Variants in SUB1 observed in about 807,000 individuals in gnomAD.
The protein encoded by SUB1 is SUB1 regulator of transcription.
SUB1 carries 1 observed loss-of-function variant against 16.9 expected under a neutral mutation model. The observed-to-expected ratio is 0.06, with a 90% CI of 0.02 to 0.28. The LOEUF (loss-of-function observed/expected upper bound fraction) is 0.28. Among genes scored for constraint, SUB1 ranks in the 10% least tolerant of loss-of-function variants. The probability of loss-of-function intolerance (pLI) is 1.00; values close to 1 mark genes in which losing one functional copy is unlikely to be tolerated. For synonymous variants in SUB1, 51 were observed against 46.9 expected (o/e 1.09, Z -0.36); for missense variants, 84 against 145.2 (o/e 0.58, Z 2.16).
rs1346972507 is a variant in SUB1 at position 32,601,500 on chromosome 5, CCAAT to C, written c.*420_*423del. ...AACTTCATATTTGATCTTTTCTCTT[CCAAT>C]CAAATGTCTAGGCTTGTTTGACTTC... On this transcript the variant is annotated 3_prime_UTR_variant, in exon 5 of 5. Transcript: ENST00000265073. 6.4e-6 allele frequency: 1 copy of C among 156,896 alleles called. No individual in the cohort carries two copies. Among genetic ancestry groups the C allele is most frequent in the African/African-American group, 2.4e-5 (1 of 41,488 alleles). 9.7% of individuals were successfully genotyped at this position (156,896 alleles called of 1,614,324 possible). A position where few individuals can be genotyped will look rare whatever the true frequency, so the allele number is the denominator to read the frequency against.
rs1365780107 is a variant in SUB1, at chr5:32,603,874, C to CA, written c.*2790_*2791insA. ...CAGTTCATTTTTTATGGCAGTTAAT[C>CA]CAGTGAAACACTCAAAAGTTTTTTT... On this transcript the variant is annotated 3_prime_UTR_variant, in exon 5 of 5. Transcript: ENST00000265073. 4.0e-5 allele frequency: 6 copies of CA among 150,966 alleles called. No homozygotes were observed. Among genetic ancestry groups the CA allele is most frequent in the African/African-American group, 1.5e-4 (6 of 41,284 alleles). The allele number at this position is 150,966 out of a possible 1,614,324, so 9.4% of individuals were successfully genotyped here.
In SUB1 at chr5:32,602,185, T is replaced by C; in HGVS notation, c.*1101T>C. On this transcript the variant is annotated 3_prime_UTR_variant, in exon 5 of 5. Coordinates refer to ENST00000265073, the MANE Select transcript of SUB1 (RefSeq NM_006713.4). Reference sequence around the variant, plus strand: ...CTAGTAAGTGGTTTGTATTTAACCATACTGATGAAGCAGACAGATTGAGGC... The same window carrying C: ...CTAGTAAGTGGTTTGTATTTAACCACACTGATGAAGCAGACAGATTGAGGC... 2.2e-6 allele frequency: 1 copy of C among 455,100 alleles called. No individual in the cohort carries two copies. Among genetic ancestry groups the C allele is most frequent in the South Asian group, 1.6e-5 (1 of 64,392 alleles). The allele number at this position is 455,100 out of a possible 1,614,324, so 28.2% of individuals were successfully genotyped here. A position where few individuals can be genotyped will look rare whatever the true frequency, so the allele number is the denominator to read the frequency against.
intron 3 of SUB1, chr5:32,598,444 T>C (rs532400906): frequency 6.6e-6 from 1 of 152,620 alleles, no homozygotes; most frequent in East Asian, 1.9e-4. Context: ...CATGGTGTTT[T>C]ACACAAGGTG....
At chr5:32,598,869 G>GT (rs1396173778) in intron 3 of SUB1, 92 bp from the exon 4 acceptor site, 1 of 947,666 alleles carries the variant, frequency 1.1e-6, no homozygotes, top group East Asian at 2.4e-5. Context: ...TAGATGTAGA[G>GT]TGAGCATGCA....
At chr5:32,592,896 A>G (rs1277744856) in intron 3 of SUB1, among the ~76,000 whole-genome samples, 1 of 152,178 alleles carries the variant, frequency 6.6e-6, no homozygotes, top group Non-Finnish European at 1.5e-5. Context: ...AAGAGGATGT[A>G]GGTTAAGAGA....
intron 2 of SUB1, among the ~76,000 whole-genome samples, chr5:32,590,156 GCTAA>G (rs1046082828): frequency 3.0e-4 from 46 of 152,104 alleles, no homozygotes; most frequent in African/African-American, 1.0e-3. Flanking sequence ...TGCATATTGA[GCTAA>G]CTTTTTGTTT....
At chr5:32,591,816 C>T (rs1475268367) in intron 3 of SUB1, 131 bp downstream of exon 3, 1 of 1,102,076 alleles carries the variant, frequency 9.1e-7, no homozygotes. Flanking sequence ...TTCTCTGCCT[C>T]AGCCTCCCGA....
At chr5:32,600,936 A>G in intron 4 of SUB1, 69 bp from the exon 5 acceptor site, 2 of 1,400,378 alleles carry the variant, frequency 1.4e-6, no homozygotes, top group Non-Finnish European at 2.0e-6. Context: ...ACAGTATTCT[A>G]GTTGGAAGTA....
intron 2 of SUB1, among the ~76,000 whole-genome samples, chr5:32,590,247 A>G (rs1435052708): frequency 2.6e-5 from 4 of 152,154 alleles, no homozygotes; most frequent in East Asian, 1.9e-4. Context: ...TTACATGTAT[A>G]TAATATTTTT....
Position 32,601,133 on chromosome 5 carries a change from T to C in SUB1, c.*49T>C, listed in dbSNP as rs546898304. The C allele has an allele frequency of 2.1e-5, 31 of 1,461,498 alleles. No individual in the cohort carries two copies. In the African/African-American group the frequency reaches 2.7e-4, roughly 13 times the overall value. The allele number at this position is 1,461,498 out of a possible 1,614,324, so 90.5% of individuals were successfully genotyped here. A position where few individuals can be genotyped will look rare whatever the true frequency, so the allele number is the denominator to read the frequency against. On this transcript the variant is annotated 3_prime_UTR_variant, in exon 5 of 5. Transcript: ENST00000265073. The stretch of plus-strand genomic sequence containing the variant: ...CTGTACTGTTCTAGTTGTTTTAATC[T>C]GTCTTTTTACATTGGCTTTTGTTTT...
In SUB1 at chr5:32,603,986, T is replaced by C. The variant is rs1042628165; in HGVS notation, c.*2902T>C. On this transcript the variant is annotated 3_prime_UTR_variant, in exon 5 of 5. Coordinates refer to ENST00000265073, the MANE Select transcript of SUB1 (RefSeq NM_006713.4). The stretch of plus-strand genomic sequence containing the variant: ...TAATTCTGTAATTGTGGAATGCTTG[T>C]ATGCTTTGTTTTCGTACATCTTCCA... The C allele has an allele frequency of 6.6e-6, 1 of 152,190 alleles. No homozygotes were observed. The highest frequency in any genetic ancestry group is 2.4e-5 in the African/African-American group (1 of 41,454). The allele number at this position is 152,190 out of a possible 1,614,324, so 9.4% of individuals were successfully genotyped here.
At chr5:32,593,697 CTT>C (rs888452800) in intron 3 of SUB1, among the ~76,000 whole-genome samples, 10 of 143,354 alleles carry the variant, frequency 7.0e-5, no homozygotes, top group Admixed American at 6.9e-5. Flanking sequence ...GTCATCTTTT[CTT>C]TTTTTTTTTT....
Position 32,601,066 on chromosome 5 carries a change from T to C in SUB1, c.366T>C (p.Asp122=), listed in dbSNP as rs1049398. ...QLKEQISDID[D]AVRKL The stretch of plus-strand genomic sequence containing the variant: ...AGGAACAGATTTCTGACATTGATGA[T>C]GCAGTAAGAAAACTGTAAAATTCGA... Residue 122 remains aspartate (D), a synonymous_variant, in exon 5 of 5, where the codon GAT becomes GAC. Coordinates refer to ENST00000265073, the MANE Select transcript of SUB1 (RefSeq NM_006713.4). 2 of 1,611,904 alleles carry C rather than the reference T, an allele frequency of 1.2e-6. No homozygotes were observed. Among genetic ancestry groups the C allele is most frequent in the Middle Eastern group, 2.2e-4 (1 of 4,544 alleles).
rs1035387960 is a variant in SUB1 at position 32,601,831 on chromosome 5, A to G, written c.*747A>G. 1 of 160,706 alleles carries G rather than the reference A, an allele frequency of 6.2e-6. No homozygotes were observed. Among genetic ancestry groups the G allele is most frequent in the Admixed American group, 6.0e-5 (1 of 16,748 alleles). The allele number at this position is 160,706 out of a possible 1,614,324, so 10.0% of individuals were successfully genotyped here. A position where few individuals can be genotyped will look rare whatever the true frequency, so the allele number is the denominator to read the frequency against. On this transcript the variant is annotated 3_prime_UTR_variant, in exon 5 of 5. Coordinates refer to ENST00000265073, the MANE Select transcript of SUB1 (RefSeq NM_006713.4). ...TGTGTAGTTATTGCTTAGTCTGCAG[A>G]AAATAATGACTTAGATGAGATGTCT...
rs185977486 is a variant in SUB1, at chr5:32,590,721, G to T, written c.73-842G>T. Among the ~76,000 whole-genome samples, 30 of 139,932 alleles carry T rather than the reference G, an allele frequency of 2.1e-4. No homozygotes were observed. The East Asian group carries it at 6.0e-3, about 28-fold the overall frequency. 91.8% of individuals were successfully genotyped at this position (139,932 alleles called of 152,430 possible). A position where few individuals can be genotyped will look rare whatever the true frequency, so the allele number is the denominator to read the frequency against. On this transcript the variant is annotated intron_variant, in intron 2 of 4. Coordinates refer to ENST00000265073, the MANE Select transcript of SUB1 (RefSeq NM_006713.4). ...AGCGATTCTCCTGCCTCAGCCTTCC[G>T]AGTAGCTGGGATTACAGGCGTGTGC...
chr5:32,598,061 T>TAAAA (rs1739022441), intron 3 of SUB1: 2 of 146,442 alleles, frequency 1.4e-5, no homozygotes, highest in African/African-American at 5.4e-5. Flanking sequence ...TCAACTTTTT[T>TAAAA]ATTTTTATTT....
chr5:32,598,984 T>C lies in SUB1; in HGVS notation c.219T>C (p.Ser73=). Residue 73 remains serine (S), a synonymous_variant, in exon 4 of 5, where the codon AGT becomes AGC. Transcript: ENST00000265073. The part of the protein sequence containing the change: ...MFQIGKMRYV[S]VRDFKGKVLI... Reference sequence around the variant, plus strand: ...AGATTGGGAAAATGAGGTACGTTAGTGTTCGCGATTTTAAAGGCAAAGTGC... The same window carrying C: ...AGATTGGGAAAATGAGGTACGTTAGCGTTCGCGATTTTAAAGGCAAAGTGC... The C allele has an allele frequency of 6.2e-7, 1 of 1,613,594 alleles. No individual in the cohort carries two copies. The highest frequency in any genetic ancestry group is 8.5e-7 in the Non-Finnish European group (1 of 1,179,778).
At position 32,603,875 on chromosome 5, in the gene SUB1, C is replaced by CATTTTTTTG. The variant is rs1420493004; in HGVS notation, c.*2792_*2793insTTTTTTTGA. The stretch of plus-strand genomic sequence containing the variant: ...AGTTCATTTTTTATGGCAGTTAATC[C>CATTTTTTTG]AGTGAAACACTCAAAAGTTTTTTTT... On this transcript the variant is annotated 3_prime_UTR_variant, in exon 5 of 5. Transcript: ENST00000265073. 4.0e-5 allele frequency: 6 copies of CATTTTTTTG among 150,728 alleles called. No homozygotes were observed. The highest frequency in any genetic ancestry group is 1.5e-4 in the African/African-American group (6 of 41,286). The allele number at this position is 150,728 out of a possible 1,614,324, so 9.3% of individuals were successfully genotyped here.
chr5:32,600,970 G>T, intron 4 of SUB1, 35 bp from the exon 5 acceptor site: 2 of 1,576,170 alleles, frequency 1.3e-6, no homozygotes, highest in South Asian at 2.2e-5. Context: ...CGCTTAAATA[G>T]ATTTTCACCT....
Sources: gnomAD v4.1 joint callset for allele counts (sites outside exome capture counted in the v4.1 genomes callset) on GRCh38, gnomAD v4.1.1 for gene constraint, MANE v1.5 for transcripts, NCBI Gene and HGNC (gene_info 2026-07-23, HGNC 2026-07-21) for gene names.